MAGI3: variants seen among roughly 807,000 people sequenced by gnomAD.
MAGI3 encodes membrane associated guanylate kinase, WW and PDZ domain containing 3, also known as membrane-associated guanylate kinase, WW and PDZ domain-containing protein 3.
MAGI3 carries 43 observed loss-of-function variants against 121.8 expected under a neutral mutation model. That is an observed-to-expected ratio of 0.35 (90% CI 0.28 to 0.46). MAGI3 has a LOEUF of 0.46. Among genes scored for constraint, MAGI3 ranks in the 20% least tolerant of loss-of-function variants. The probability of loss-of-function intolerance (pLI) is 1.00; values close to 1 mark genes in which losing one functional copy is unlikely to be tolerated. For synonymous variants in MAGI3, 553 were observed against 639.3 expected (o/e 0.86, Z 2.04); for missense variants, 1,547 against 1,797.3 (o/e 0.86, Z 2.52).
chr1:113,545,664 G>A (rs1448887265), intron 1 of MAGI3, among the ~76,000 whole-genome samples: 1 of 152,122 alleles, frequency 6.6e-6, no homozygotes, highest in Non-Finnish European at 1.5e-5. Context: ...TTGAGTTCCT[G>A]GATTTATTCA....
At chr1:113,617,582 T>C (rs528676993) in intron 7 of MAGI3, among the ~76,000 whole-genome samples, 2 of 152,322 alleles carry the variant, frequency 1.3e-5, no homozygotes, top group South Asian at 2.1e-4. Context: ...TGCATACGTC[T>C]ACTCTCCTCT....
chr1:113,653,040 A>T (rs188340025), intron 14 of MAGI3, among the ~76,000 whole-genome samples: 21 of 152,312 alleles, frequency 1.4e-4, no homozygotes, highest in Admixed American at 1.4e-3. Flanking sequence ...TTATATCATC[A>T]CTCAGGAAAC....
At chr1:113,516,390 C>CAAAAAAAAAAAAAAA (rs60186333) in intron 1 of MAGI3, among the ~76,000 whole-genome samples, 4 of 71,006 alleles carry the variant, frequency 5.6e-5, no homozygotes, top group Admixed American at 1.9e-4. Flanking sequence ...GAAGTTCTCA[C>CAAAAAAAAAAAAAAA]AAAAAAAAAA....
chr1:113,449,684 C>A (rs764316988), intron 1 of MAGI3: 3 of 788,018 alleles, frequency 3.8e-6, no homozygotes, highest in Admixed American at 3.4e-5. Context: ...TTGGAAGAGG[C>A]GAGTCTGGTC....
chr1:113,464,358 C>T (rs568776122), intron 1 of MAGI3, among the ~76,000 whole-genome samples: 1 of 152,138 alleles, frequency 6.6e-6, no homozygotes, highest in South Asian at 2.1e-4. Flanking sequence ...AACATTATTC[C>T]ATTGTGTATA....
At chr1:113,410,913 C>T (rs368085367) in intron 1 of MAGI3, among the ~76,000 whole-genome samples, 5 of 152,174 alleles carry the variant, frequency 3.3e-5, no homozygotes, top group African/African-American at 1.2e-4. Context: ...CATAGGATAG[C>T]GTCCTTTTAT....
intron 2 of MAGI3, among the ~76,000 whole-genome samples, chr1:113,571,758 T>C (rs1012224572): frequency 2.6e-5 from 4 of 152,352 alleles, no homozygotes; most frequent in South Asian, 2.1e-4. Flanking sequence ...CCTGAGACTT[T>C]CCTGAAGTTG....
At chr1:113,549,874 T>C (rs1659693127) in intron 2 of MAGI3, among the ~76,000 whole-genome samples, 1 of 151,862 alleles carries the variant, frequency 6.6e-6, no homozygotes, top group Admixed American at 6.6e-5. Flanking sequence ...ATCCCAGCAC[T>C]TTGGGAGGCC....
chr1:113,608,636 A>G (rs901851948), intron 6 of MAGI3, among the ~76,000 whole-genome samples: 1 of 152,250 alleles, frequency 6.6e-6, no homozygotes, highest in Non-Finnish European at 1.5e-5. Flanking sequence ...AGAGAACTCA[A>G]GAGTCCCTGA....
intron 14 of MAGI3, among the ~76,000 whole-genome samples, chr1:113,653,220 A>G (rs1653271592): frequency 6.6e-6 from 1 of 152,234 alleles, no homozygotes; most frequent in Non-Finnish European, 1.5e-5. Context: ...TTCATGTGTC[A>G]TTCCTCATTA....
intron 1 of MAGI3, among the ~76,000 whole-genome samples, chr1:113,444,991 T>A (rs1340054604): frequency 6.6e-6 from 1 of 152,102 alleles, no homozygotes; most frequent in East Asian, 1.9e-4. Context: ...AAAGGCATAT[T>A]TGAGCAGGCA....
intron 2 of MAGI3, among the ~76,000 whole-genome samples, chr1:113,563,977 T>C (rs905928390): frequency 6.6e-6 from 1 of 152,232 alleles, no homozygotes; most frequent in African/African-American, 2.4e-5. Context: ...TTGTTCCTTA[T>C]TTAAATATTC....
chr1:113,525,354 G>A (rs944178554), intron 1 of MAGI3, among the ~76,000 whole-genome samples: 2 of 152,054 alleles, frequency 1.3e-5, no homozygotes, highest in East Asian at 3.9e-4. Context: ...ATTTAGACCA[G>A]TCTTCCTTCC....
At position 113,673,341 on chromosome 1, in the gene MAGI3, T is replaced by C. The variant is rs766369508; in HGVS notation, c.3065T>C (p.Val1022Ala). The C allele has an allele frequency of 1.9e-6, 3 of 1,611,440 alleles. No individual in the cohort carries two copies. The highest frequency in any genetic ancestry group is 1.7e-5 in the Admixed American group (1 of 59,272). Residue 1022 changes from valine (V) to alanine (A), a missense_variant, in exon 19 of 21, where the codon GTA becomes GCA. Physicochemically the swap from Val to Ala is moderately conservative, Grantham distance 64 (BLOSUM62 0). Transcript: ENST00000307546. The stretch of plus-strand genomic sequence containing the variant: ...CTCTAGAACCTTGGTTGTTATCCAG[T>C]AGAGCTGGAGAGAGGCCCCCGGGGC... Reference protein sequence around the residue: ...RHNQNLGCYPVELERGPRGFG... With the variant: ...RHNQNLGCYPAELERGPRGFG...
intron 9 of MAGI3, among the ~76,000 whole-genome samples, chr1:113,634,476 A>G (rs1570972008): frequency 1.3e-5 from 2 of 152,186 alleles, no homozygotes; most frequent in Admixed American, 6.5e-5. Flanking sequence ...TCCCAGCACC[A>G]TTTATTACAT....
intron 1 of MAGI3, among the ~76,000 whole-genome samples, chr1:113,445,246 C>A (rs1359514753): frequency 6.6e-6 from 1 of 152,028 alleles, no homozygotes; most frequent in Non-Finnish European, 1.5e-5. Flanking sequence ...ATATAAACAT[C>A]CAAAAAGTTC....
chr1:113,401,289 T>A (rs1651386742), intron 1 of MAGI3, among the ~76,000 whole-genome samples: 2 of 152,150 alleles, frequency 1.3e-5, no homozygotes, highest in African/African-American at 4.8e-5. Context: ...AGCACAATTC[T>A]GAATTGTTTG....
At chr1:113,620,648 C>T (rs1299454530) in intron 8 of MAGI3, among the ~76,000 whole-genome samples, 1 of 152,160 alleles carries the variant, frequency 6.6e-6, no homozygotes, top group Non-Finnish European at 1.5e-5. Flanking sequence ...TTGCTAGGCT[C>T]TAGGTATTCA....
At chr1:113,400,698 A>C (rs907427910) in intron 1 of MAGI3, among the ~76,000 whole-genome samples, 9 of 152,152 alleles carry the variant, frequency 5.9e-5, no homozygotes, top group African/African-American at 1.9e-4. Flanking sequence ...TCTCAATCCA[A>C]CTTGGTAGCT....
Sources: allele counts gnomAD v4.1 joint callset (sites outside exome capture counted in the v4.1 genomes callset), GRCh38; gene constraint gnomAD v4.1.1; transcripts MANE v1.5; gene names NCBI Gene and HGNC (gene_info 2026-07-23, HGNC 2026-07-21).